Variants in SLC14A2 observed in about 807,000 individuals in gnomAD.
SLC14A2 encodes the protein urea transporter 2.
Under a neutral mutation model 104.6 loss-of-function variants are expected in SLC14A2, and 91 were observed. The ratio of observed to expected loss-of-function variants is 0.87; its 90% confidence interval spans 0.73 to 1.04. The LOEUF is 1.04. Among genes scored for constraint, SLC14A2 ranks in the 50% least tolerant of loss-of-function variants. The pLI is 0.00. For synonymous variants in SLC14A2, 476 were observed against 466.4 expected, an observed-to-expected ratio of 1.02 and a Z score of -0.27; for missense variants, 1,189 against 1,156.0, an observed-to-expected ratio of 1.03 and a Z score of -0.41.
chr18:45,239,020 T>A (rs554643511), intron 1 of SLC14A2, among the ~76,000 whole-genome samples: 26 of 152,160 alleles, frequency 1.7e-4, no homozygotes, highest in African/African-American at 6.0e-4. Context: ...GTATATAAGA[T>A]AAAAAGAAAA....
chr18:45,454,426 G>C (rs1364363549), intron 1 of SLC14A2, among the ~76,000 whole-genome samples: 2 of 152,132 alleles, frequency 1.3e-5, no homozygotes, highest in African/African-American at 4.8e-5. Context: ...TGGATAGATT[G>C]CAAAAATTTT....
Position 45,636,921 on chromosome 18 carries a change from C to T in SLC14A2, c.651-69C>T, listed in dbSNP as rs144093563. The T allele has an allele frequency of 2.7e-4, 353 of 1,288,960 alleles. 2 individuals are homozygous for T. In the African/African-American group the frequency reaches 4.6e-3, roughly 17 times the overall value. 79.8% of individuals were successfully genotyped at this position (1,288,960 alleles called of 1,614,324 possible). ...AGGAGGCAGTGGATGATACAGTGGC[C>T]AGAGCTGCTGAGACAATGTAGACCT... On this transcript the variant is annotated intron_variant, in intron 5 of 19. Transcript: ENST00000255226.
intron 1 of SLC14A2, among the ~76,000 whole-genome samples, chr18:45,410,522 C>T (rs950364225): frequency 1.3e-5 from 2 of 152,070 alleles, no homozygotes; most frequent in African/African-American, 4.8e-5. Flanking sequence ...TATTGAATAA[C>T]AAATCTTATT....
chr18:45,464,516 C>G (rs2144649511), intron 1 of SLC14A2, among the ~76,000 whole-genome samples: 1 of 152,242 alleles, frequency 6.6e-6, no homozygotes, highest in South Asian at 2.1e-4. Flanking sequence ...TCAAAAGCCA[C>G]TTTTGAAAAA....
At chr18:45,643,051 T>C (rs2045556373) in intron 8 of SLC14A2, 81 bp from the exon 9 acceptor site, 1 of 1,314,554 alleles carries the variant, frequency 7.6e-7, no homozygotes, top group Non-Finnish European at 1.1e-6. Flanking sequence ...GTTCTTGGTC[T>C]GGGCTCCCTG....
intron 2 of SLC14A2, among the ~76,000 whole-genome samples, chr18:45,541,547 G>C (rs2043883808): frequency 6.6e-6 from 1 of 152,230 alleles, no homozygotes; most frequent in East Asian, 1.9e-4. Flanking sequence ...CTAGTACAGA[G>C]TAGTTCACAG....
At chr18:45,403,220 C>T (rs937225860) in intron 1 of SLC14A2, among the ~76,000 whole-genome samples, 1 of 152,078 alleles carries the variant, frequency 6.6e-6, no homozygotes. Flanking sequence ...GTGGCTTTTC[C>T]TCTTCTTATA....
chr18:45,233,968 C>T (rs1188409138), intron 1 of SLC14A2, among the ~76,000 whole-genome samples: 1 of 151,780 alleles, frequency 6.6e-6, no homozygotes, highest in Non-Finnish European at 1.5e-5. Flanking sequence ...AGAATGCAAG[C>T]TTAATAATAG....
At chr18:45,246,561 AC>A (rs2084369172) in intron 1 of SLC14A2, among the ~76,000 whole-genome samples, 3 of 152,194 alleles carry the variant, frequency 2.0e-5, no homozygotes, top group Non-Finnish European at 1.5e-5. Flanking sequence ...AGTAGAAATA[AC>A]TTTTGTTGTT....
At chr18:45,576,983 C>A (rs867850066) in intron 2 of SLC14A2, among the ~76,000 whole-genome samples, 50 of 152,236 alleles carry the variant, frequency 3.3e-4, no homozygotes, top group African/African-American at 1.2e-3. Context: ...TTTCAGCAGG[C>A]TCTAGGGCAT....
chr18:45,618,714 G>T (rs2045115548), intron 1 of SLC14A2, among the ~76,000 whole-genome samples: 1 of 149,116 alleles, frequency 6.7e-6, no homozygotes, highest in Admixed American at 6.7e-5. Context: ...AGTAAATGGG[G>T]CCATTTGAGA....
At chr18:45,580,472 G>A (rs2044474099) in intron 2 of SLC14A2, among the ~76,000 whole-genome samples, 1 of 152,140 alleles carries the variant, frequency 6.6e-6, no homozygotes, top group Non-Finnish European at 1.5e-5. Flanking sequence ...TTACTTCAGA[G>A]GAGCCTTAGA....
At chr18:45,565,541 G>C (rs1013236734) in intron 2 of SLC14A2, among the ~76,000 whole-genome samples, 21 of 152,220 alleles carry the variant, frequency 1.4e-4, no homozygotes, top group Non-Finnish European at 1.3e-4. Context: ...AGGAGAAATG[G>C]GCTGGCGTCG....
rs181977763 is a variant in SLC14A2 at position 45,586,420 on chromosome 18, G to C, written c.-34-38211G>C. On this transcript the variant is annotated intron_variant, in intron 2 of 20. Transcript: ENST00000586448. ...GACGCTCATAAACTTTGAAGGCCTT[G>C]GCACTGATTGGGATTTTGTTCATAG... 1.2e-3 allele frequency among the ~76,000 whole-genome samples: 188 copies of C among 152,320 alleles called. 1 individual carries two copies. The highest frequency in any genetic ancestry group is 3.4e-3 in the Middle Eastern group (1 of 294).
intron 10 of SLC14A2, chr18:45,647,461 T>C (rs1192351069): frequency 6.6e-6 from 1 of 152,230 alleles, no homozygotes; most frequent in Non-Finnish European, 1.5e-5. Context: ...AGAAGCGATT[T>C]TGGATTTATT....
intron 2 of SLC14A2, among the ~76,000 whole-genome samples, chr18:45,488,265 A>G (rs923694527): frequency 3.3e-5 from 5 of 152,162 alleles, no homozygotes; most frequent in African/African-American, 1.2e-4. Context: ...TGGACCCCAG[A>G]GGAAAAAAAC....
intron 2 of SLC14A2, among the ~76,000 whole-genome samples, chr18:45,558,226 A>T (rs17667737): frequency 0.35 from 52,569 of 152,050 alleles, 9,594 homozygotes; most frequent in Non-Finnish European, 0.39. Context: ...TCTAAAGCTC[A>T]GTTCAAATGC....
intron 4 of SLC14A2, among the ~76,000 whole-genome samples, chr18:45,630,914 G>A (rs73425805): frequency 0.038 from 5,856 of 152,184 alleles, 378 homozygotes; most frequent in African/African-American, 0.13. Flanking sequence ...GCAGGAAGCT[G>A]TCTAGATATG....
intron 2 of SLC14A2, among the ~76,000 whole-genome samples, chr18:45,503,485 T>C (rs371155406): frequency 6.6e-6 from 1 of 152,318 alleles, no homozygotes; most frequent in African/African-American, 2.4e-5. Flanking sequence ...TTCCCTTTTC[T>C]GTTTGCCATT....
Sources: allele counts gnomAD v4.1 joint callset (sites outside exome capture counted in the v4.1 genomes callset), GRCh38; gene constraint gnomAD v4.1.1; transcripts MANE v1.5; gene names NCBI Gene and HGNC (gene_info 2026-07-23, HGNC 2026-07-21).